Variants in CFD observed in about 807,000 individuals in gnomAD.
CFD encodes the protein complement factor D, also known as C3 convertase activator.
CFD carries 24 observed loss-of-function variants against 21.1 expected under a neutral mutation model. The ratio of observed to expected loss-of-function variants is 1.14; its 90% CI spans 0.82 to 1.60. The LOEUF is 1.60. Among genes scored for constraint, CFD ranks in the 40% most tolerant of loss-of-function variants. The pLI is 0.00. For synonymous variants in CFD, 242 were observed against 175.9 expected (o/e 1.38, Z -2.97); for missense variants, 535 against 383.3 (o/e 1.40, Z -3.31).
rs749391977 is a variant in CFD, at chr19:863,109, G to A, written c.633G>A (p.Pro211=). 140 of 1,526,058 alleles carry A rather than the reference G, an allele frequency of 9.2e-5. 1 individual carries two copies. In the East Asian group the frequency reaches 3.4e-3, roughly 37 times the overall value. The allele number at this position is 1,526,058 out of a possible 1,614,324, so 94.5% of individuals were successfully genotyped here. ...TCCGGCAGGGTGACTCCGGGGGCCC[G>A]CTGGTGTGCGGGGGCGTGCTCGAGG... The part of the protein sequence containing the change: ...RDSCKGDSGG[P]LVCGGVLEGV... Residue 211 remains proline (P), a synonymous_variant, in exon 5 of 5, where the codon CCG becomes CCA. Coordinates refer to ENST00000327726, the MANE Select transcript of CFD (RefSeq NM_001928.4).
At chr19:860,086 C>G (rs573107270) in intron 1 of CFD, among the ~76,000 whole-genome samples, 1 of 152,112 alleles carries the variant, frequency 6.6e-6, no homozygotes. Flanking sequence ...GATCTGCCCC[C>G]GGTCCCCAGC....
intron 4 of CFD, among the ~76,000 whole-genome samples, 190 bp from the exon 5 acceptor site, chr19:862,902 A>G (rs2035825513): frequency 6.6e-6 from 1 of 151,206 alleles, no homozygotes. Context: ...GCGGGCCTAG[A>G]GGGGCGTGGC....
intron 4 of CFD, among the ~76,000 whole-genome samples, chr19:862,429 G>A (rs1339701156): frequency 2.1e-5 from 3 of 143,320 alleles, no homozygotes; most frequent in Admixed American, 7.0e-5. Flanking sequence ...GCTGGAGAAG[G>A]GTCAGGGCGG....
chr19:863,369 T>A lies in CFD; in HGVS notation c.*131T>A. The stretch of plus-strand genomic sequence containing the variant: ...AGAAGGGGAGGCCGAGGTGGGAGGA[T>A]CATTGGATCTCAGGAGTTCGAGATC... On this transcript the variant is annotated 3_prime_UTR_variant, in exon 5 of 5. Coordinates refer to ENST00000327726, the MANE Select transcript of CFD (RefSeq NM_001928.4). 1.8e-6 allele frequency: 2 copies of A among 1,086,452 alleles called. No individual in the cohort carries two copies. Among genetic ancestry groups the A allele is most frequent in the Non-Finnish European group, 2.7e-6 (2 of 740,274 alleles). 67.3% of individuals were successfully genotyped at this position (1,086,452 alleles called of 1,614,324 possible). A position where few individuals can be genotyped will look rare whatever the true frequency, so the allele number is the denominator to read the frequency against.
At chr19:862,217 AAGAAGGGTCAGGGCGGGC>A (rs546920053) in intron 4 of CFD, among the ~76,000 whole-genome samples, 1,711 of 125,236 alleles carry the variant, frequency 0.014, 42 homozygotes, top group Non-Finnish European at 0.023. Context: ...GGTGGGGCTG[AAGAAGGGTCAGGGCGGGC>A]AGAAAGGGCA....
intron 3 of CFD, 95 bp from the exon 4 acceptor site, chr19:861,584 ACCCACGCCCCTGCCCTGATG>A (rs1442728376): frequency 5.5e-6 from 7 of 1,273,638 alleles, no homozygotes; most frequent in Non-Finnish European, 7.6e-6. Context: ...CTGCACTGAG[ACCCACGCCCCTGCCCTGATG>A]CCCACCTCCC....
intron 3 of CFD, among the ~76,000 whole-genome samples, chr19:861,276 C>A (rs1266930065): frequency 4.9e-4 from 41 of 83,166 alleles, no homozygotes; most frequent in Admixed American, 9.7e-4. Flanking sequence ...CACACCCTCA[C>A]CCCGGGTCTA....
Position 860,976 on chromosome 19 carries a change from A to T in CFD, c.328A>T (p.Thr110Ser). Residue 110 changes from threonine (T) to serine (S), a missense_variant, in exon 3 of 5, where the codon ACC (threonine) becomes TCC (serine). By Grantham distance (58) the Thr-to-Ser change is moderately conservative. Coordinates refer to ENST00000327726, the MANE Select transcript of CFD (RefSeq NM_001928.4). ...GCCCCACCCGGACAGCCAGCCCGAC[A>T]CCATCGACCACGACCTCCTGCTGCT... The part of the protein sequence containing the change: ...AVPHPDSQPD[T>S]IDHDLLLLQL... 6.3e-7 allele frequency: 1 copy of T among 1,599,352 alleles called. No homozygotes were observed. Among genetic ancestry groups the T allele is most frequent in the Non-Finnish European group, 8.5e-7 (1 of 1,179,496 alleles).
At chr19:860,808 G>A in intron 2 of CFD, 35 bp downstream of exon 2, 1 of 1,556,834 alleles carries the variant, frequency 6.4e-7, no homozygotes, top group Non-Finnish European at 8.6e-7. Flanking sequence ...AAGAGCCCGG[G>A]TGCGGTGGGG....
chr19:862,128 CTGTATGAGGGGGCGGGGCA>C (rs1300844447), intron 4 of CFD, among the ~76,000 whole-genome samples, 172 bp downstream of exon 4: 1 of 43,664 alleles, frequency 2.3e-5, no homozygotes, highest in Non-Finnish European at 4.2e-5. Context: ...TGGGCGGGGC[CTGTATGAGGGGGCGGGGCA>C]TGTGGGTAGG....
In CFD at chr19:859,744, G is replaced by A. The variant is rs755819599; in HGVS notation, c.55G>A (p.Ala19Thr). 9.6e-6 allele frequency: 15 copies of A among 1,568,962 alleles called. No homozygotes were observed. Among genetic ancestry groups the A allele is most frequent in the East Asian group, 9.3e-5 (4 of 42,868 alleles). The change falls in exon 1 of 5, where the codon GCG (alanine) becomes ACG (threonine). Residue 19 changes from alanine to threonine, a missense_variant and splice_region_variant. By Grantham distance (58) the Ala-to-Thr change is moderately conservative. Coordinates refer to ENST00000327726, the MANE Select transcript of CFD (RefSeq NM_001928.4). ...VLVLLGAAAC[A>T]APPRGRILGG... is the part of the protein sequence containing the mutation. The stretch of plus-strand genomic sequence containing the variant: ...GGTCCTCCTAGGAGCGGCCGCCTGC[G>A]GTGAGGAGGCCTGGGCCTGGGGTGA...
chr19:863,094 T>C lies in CFD; in HGVS notation c.618T>C (p.Gly206=), dbSNP rs1253390669. ...ACGGCCCCGTCCTGTTCCGGCAGGG[T>C]GACTCCGGGGGCCCGCTGGTGTGCG... ...AESNRRDSCK[G]DSGGPLVCGG... Residue 206 remains glycine, a splice_region_variant and synonymous_variant, in exon 5 of 5, where the codon GGT becomes GGC. Coordinates refer to ENST00000327726, the MANE Select transcript of CFD (RefSeq NM_001928.4). 6 of 1,521,304 alleles carry C rather than the reference T, an allele frequency of 3.9e-6. No individual in the cohort carries two copies. In the African/African-American group the frequency reaches 5.5e-5, roughly 14 times the overall value. 94.2% of individuals were successfully genotyped at this position (1,521,304 alleles called of 1,614,324 possible). A position where few individuals can be genotyped will look rare whatever the true frequency, so the allele number is the denominator to read the frequency against.
At chr19:861,047 C>A in intron 3 of CFD, 42 bp downstream of exon 3, 1 of 1,579,428 alleles carries the variant, frequency 6.3e-7, no homozygotes, top group Non-Finnish European at 8.6e-7. Flanking sequence ...GCGCTGGGAT[C>A]CCCGGCCCAC....
chr19:859,683 C>T lies in CFD; in HGVS notation c.-7C>T, dbSNP rs773492585. ...TGGGTCAGTGTCTCAGCCACAGCGG[C>T]TTCACCATGCACAGCTGGGAGCGCC... On this transcript the variant is annotated 5_prime_UTR_variant, in exon 1 of 5. Coordinates refer to ENST00000327726, the MANE Select transcript of CFD (RefSeq NM_001928.4). 41 of 1,564,478 alleles carry T rather than the reference C, an allele frequency of 2.6e-5. No homozygotes were observed. The East Asian group carries it at 9.7e-4, about 37-fold the overall frequency.
chr19:863,151 C>T lies in CFD; in HGVS notation c.675C>T (p.Gly225=), dbSNP rs111800430. ...GGVLEGVVTS[G]SRVCGNRKKP... is the part of the protein sequence containing the mutation. Reference sequence around the variant, plus strand: ...TGCTCGAGGGCGTGGTCACCTCGGGCTCGCGCGTTTGCGGCAACCGCAAGA... The same window carrying T: ...TGCTCGAGGGCGTGGTCACCTCGGGTTCGCGCGTTTGCGGCAACCGCAAGA... Residue 225 remains glycine, a synonymous_variant, in exon 5 of 5, where the codon GGC becomes GGT. Transcript: ENST00000327726. 140 of 1,535,942 alleles carry T rather than the reference C, an allele frequency of 9.1e-5. 1 individual carries two copies. The African/African-American group carries it at 1.5e-3, about 17-fold the overall frequency.
At position 861,956 on chromosome 19, in the gene CFD, G is replaced by A. The variant is rs1393350485; in HGVS notation, c.615G>A (p.Lys205=). Residue 205 remains lysine (K), a splice_region_variant and synonymous_variant, in exon 4 of 5, where the codon AAG becomes AAA. Coordinates refer to ENST00000327726, the MANE Select transcript of CFD (RefSeq NM_001928.4). ...AGAGCAATCGCCGGGACAGCTGCAAGGTGAGCCTTCAGGCCTGGGAGGAGA... is the reference window on the plus strand; with the variant it reads ...AGAGCAATCGCCGGGACAGCTGCAAAGTGAGCCTTCAGGCCTGGGAGGAGA... ...CAESNRRDSC[K]GDSGGPLVCG... 1.9e-6 allele frequency: 3 copies of A among 1,544,118 alleles called. No homozygotes were observed. Among genetic ancestry groups the A allele is most frequent in the Non-Finnish European group, 2.6e-6 (3 of 1,151,852 alleles).
chr19:863,597 G>A lies in CFD; in HGVS notation c.*359G>A. On this transcript the variant is annotated 3_prime_UTR_variant, in exon 5 of 5. Coordinates refer to ENST00000327726, the MANE Select transcript of CFD (RefSeq NM_001928.4). ...AGCCTGGGCAACAGAGTGAAACCTT[G>A]TCTCTCTCTACAAAAAAAAAAAAAA... 1 of 205,360 alleles carries A rather than the reference G, an allele frequency of 4.9e-6. No individual in the cohort carries two copies. Among genetic ancestry groups the A allele is most frequent in the Non-Finnish European group, 9.6e-6 (1 of 103,784 alleles). 12.7% of individuals were successfully genotyped at this position (205,360 alleles called of 1,614,324 possible). A position where few individuals can be genotyped will look rare whatever the true frequency, so the allele number is the denominator to read the frequency against.
Position 861,759 on chromosome 19 carries a change from C to T in CFD, c.418C>T (p.Arg140Cys), listed in dbSNP as rs774904673. Reference protein sequence around the residue: ...VRPLPWQRVDRDVAPGTLCDV... With the variant: ...VRPLPWQRVDCDVAPGTLCDV... ...CCCCCTGCCCTGGCAGCGCGTGGAC[C>T]GCGACGTGGCACCGGGAACTCTCTG... Residue 140 changes from arginine to cysteine, a missense_variant, in exon 4 of 5, where the codon CGC (arginine) becomes TGC (cysteine). Coordinates refer to ENST00000327726, the MANE Select transcript of CFD (RefSeq NM_001928.4). 5 of 1,605,714 alleles carry T rather than the reference C, an allele frequency of 3.1e-6. No homozygotes were observed. In the Admixed American group the frequency reaches 6.7e-5, roughly 22 times the overall value.
At position 860,846 on chromosome 19, in the gene CFD, C is replaced by A. The variant is rs749588608; in HGVS notation, c.213-15C>A. The A allele has an allele frequency of 6.4e-7, 1 of 1,561,938 alleles. No individual in the cohort carries two copies. The highest frequency in any genetic ancestry group is 8.6e-7 in the Non-Finnish European group (1 of 1,160,386). On this transcript the variant is annotated splice_polypyrimidine_tract_variant and intron_variant, in intron 2 of 4. Transcript: ENST00000327726. ...AGTCGGCTGGCACCGACCGCGGACT[C>A]CGTCCGGTCCCCAGGGCCGACGGGA...
Sources: gnomAD v4.1 joint callset for allele counts (sites outside exome capture counted in the v4.1 genomes callset) on GRCh38, gnomAD v4.1.1 for gene constraint, MANE v1.5 for transcripts, NCBI Gene and HGNC (gene_info 2026-07-23, HGNC 2026-07-21) for gene names.